Variants in KCNQ1 observed in about 807,000 individuals in gnomAD.
KCNQ1 encodes potassium voltage-gated channel subfamily KQT member 1.
KCNQ1 carries 49 observed loss-of-function variants against 72.4 expected under a neutral mutation model. The ratio of observed to expected loss-of-function variants is 0.68; its 90% CI spans 0.54 to 0.86. The LOEUF (loss-of-function observed/expected upper bound fraction) is 0.86. Among genes scored for constraint, KCNQ1 ranks in the 40% least tolerant of loss-of-function variants. KCNQ1 has a pLI of 0.00. For missense variants in KCNQ1, 790 were observed against 945.1 expected (o/e 0.84, Z 2.15); for synonymous variants, 450 against 412.6 (o/e 1.09, Z -1.10).
At chr11:2,699,800 G>A (rs995089627) in intron 11 of KCNQ1, 8 of 396,090 alleles carry the variant, frequency 2.0e-5, no homozygotes, top group Non-Finnish European at 3.6e-5. Context: ...CGAGGGGCGC[G>A]CCGGGGAGAA....
intron 2 of KCNQ1, among the ~76,000 whole-genome samples, chr11:2,528,645 G>A (rs1394622860): frequency 6.6e-6 from 1 of 152,276 alleles, no homozygotes; most frequent in Admixed American, 6.5e-5. Context: ...CCACCTGAAT[G>A]TGGGCCGTGA....
At chr11:2,696,749 A>T (rs1850683108) in intron 11 of KCNQ1, 2 of 398,274 alleles carry the variant, frequency 5.0e-6, no homozygotes, top group South Asian at 2.5e-4. Context: ...GAGTTTTAAA[A>T]TTTTTTCCAT....
At chr11:2,684,522 G>GT (rs1161470111) in intron 11 of KCNQ1, 10 of 398,658 alleles carry the variant, frequency 2.5e-5, no homozygotes, top group African/African-American at 2.1e-4. Context: ...ACTGTTAGGT[G>GT]TTGGAAAAGC....
chr11:2,458,909 CTTAG>C lies in KCNQ1; in HGVS notation c.386+13430_386+13433del. On this transcript the variant is annotated intron_variant, in intron 1 of 15. Transcript: ENST00000155840. This position sits in a 1 kb window ranked among gnomAD's most constrained non-coding sequence, Gnocchi z 4.6. ...CTATCCACCAATTGTGACATATGGC[CTTAG>C]TTAGGTCCTCAATAAATGATGACAA... 1.3e-5 allele frequency among the ~76,000 whole-genome samples: 2 copies of C among 152,250 alleles called. No individual in the cohort carries two copies. Among genetic ancestry groups the C allele is most frequent in the East Asian group, 1.9e-4 (1 of 5,186 alleles).
At position 2,657,723 on chromosome 11, in the gene KCNQ1, T is replaced by C. The variant is rs1402492611; in HGVS notation, c.1394-4238T>C. The C allele has an allele frequency of 2.5e-6, 1 of 398,518 alleles. No individual in the cohort carries two copies. The highest frequency in any genetic ancestry group is 4.4e-6 in the Non-Finnish European group (1 of 226,070). 24.7% of individuals were successfully genotyped at this position (398,518 alleles called of 1,614,324 possible). Reference sequence around the variant, plus strand: ...ATCTAGGATCGATCATTACATTTATTGTCATCTCTGATCGGTGACGGGCTT... The same window carrying C: ...ATCTAGGATCGATCATTACATTTATCGTCATCTCTGATCGGTGACGGGCTT... On this transcript the variant is annotated intron_variant, in intron 10 of 15. Coordinates refer to ENST00000155840, the MANE Select transcript of KCNQ1 (RefSeq NM_000218.3). This position sits in a 1 kb window ranked among gnomAD's most constrained non-coding sequence, Gnocchi z 4.8.
intron 1 of KCNQ1, among the ~76,000 whole-genome samples, chr11:2,525,648 C>T (rs1215026928): frequency 6.6e-6 from 1 of 152,180 alleles, no homozygotes; most frequent in African/African-American, 2.4e-5. Context: ...GTCAGGGGGA[C>T]TGAGGCCCAA....
chr11:2,498,842 C>T lies in KCNQ1; in HGVS notation c.387-29086C>T, dbSNP rs530434914. ...GCACATGAAGGAGTCTCCTGATCTG[C>T]AGATTGCAAAACCCATGGGAAAAGC... On this transcript the variant is annotated intron_variant, in intron 1 of 15. Coordinates refer to ENST00000155840, the MANE Select transcript of KCNQ1 (RefSeq NM_000218.3). This position sits in a 1 kb window ranked among gnomAD's most constrained non-coding sequence, Gnocchi z 4.8. 6.6e-6 allele frequency among the ~76,000 whole-genome samples: 1 copy of T among 152,242 alleles called. No individual in the cohort carries two copies. The highest frequency in any genetic ancestry group is 6.5e-5 in the Admixed American group (1 of 15,284).
chr11:2,571,208 G>T, intron 3 of KCNQ1, 117 bp from the exon 4 acceptor site: 1 of 842,330 alleles, frequency 1.2e-6, no homozygotes, highest in Admixed American at 1.8e-5. Context: ...CCGGTCATCA[G>T]GGCGTGACCC....
chr11:2,581,718 C>T (rs904034409), intron 6 of KCNQ1, among the ~76,000 whole-genome samples: 3 of 152,244 alleles, frequency 2.0e-5, no homozygotes, highest in South Asian at 2.1e-4. Context: ...CGTGTGTTTC[C>T]GTGTGTGTGT....
chr11:2,841,194 A>G (rs998087678), intron 15 of KCNQ1, among the ~76,000 whole-genome samples: 2 of 152,356 alleles, frequency 1.3e-5, no homozygotes, highest in Admixed American at 1.3e-4. Flanking sequence ...CAGCGGGTGC[A>G]AAGGCCCCAG....
At chr11:2,662,381 C>T in intron 11 of KCNQ1, 1 of 520,798 alleles carries the variant, frequency 1.9e-6, no homozygotes, top group South Asian at 3.3e-5. Context: ...TCCCCCAGCC[C>T]CCTCCCCTGC....
At position 2,785,502 on chromosome 11, in the gene KCNQ1, T is replaced by C. The variant is rs1237452921; in HGVS notation, c.1794+7465T>C. Reference sequence around the variant, plus strand: ...ACTGGTGTGGTTTTCTTTTCTGACTTTGATGTCAGATTTTTAAATCCTTTT... The same window carrying C: ...ACTGGTGTGGTTTTCTTTTCTGACTCTGATGTCAGATTTTTAAATCCTTTT... On this transcript the variant is annotated intron_variant, in intron 15 of 15. Coordinates refer to ENST00000155840, the MANE Select transcript of KCNQ1 (RefSeq NM_000218.3). The surrounding 1 kb of genome is among the most constrained non-coding windows in gnomAD (Gnocchi z 4.4). Among the ~76,000 whole-genome samples the C allele has an allele frequency of 6.6e-6, 1 of 151,942 alleles. No individual in the cohort carries two copies. The highest frequency in any genetic ancestry group is 1.9e-4 in the East Asian group (1 of 5,204).
chr11:2,648,769 T>C (rs1245084354), intron 10 of KCNQ1: 2 of 398,406 alleles, frequency 5.0e-6, no homozygotes, highest in Non-Finnish European at 4.4e-6. Flanking sequence ...TTGATATTTT[T>C]CCATCCAAAT....
In KCNQ1 at chr11:2,692,035, A is replaced by AC. The variant is rs1320528157; in HGVS notation, c.1514+29960dup. On this transcript the variant is annotated intron_variant, in intron 11 of 15. Coordinates refer to ENST00000155840, the MANE Select transcript of KCNQ1 (RefSeq NM_000218.3). ...CTTCCAGACCACCTGTGAGGCCCTGACCCCCCAAATGTCTCTCCAACCCAG... is the reference window on the plus strand; with the variant it reads ...CTTCCAGACCACCTGTGAGGCCCTGACCCCCCCAAATGTCTCTCCAACCCAG... 4 of 396,882 alleles carry AC rather than the reference A, an allele frequency of 1.0e-5. No homozygotes were observed. In the East Asian group the frequency reaches 1.4e-4, roughly 14 times the overall value. 24.6% of individuals were successfully genotyped at this position (396,882 alleles called of 1,614,324 possible). A position where few individuals can be genotyped will look rare whatever the true frequency, so the allele number is the denominator to read the frequency against.
chr11:2,492,509 C>T lies in KCNQ1; in HGVS notation c.387-35419C>T, dbSNP rs1428057026. Among the ~76,000 whole-genome samples the T allele has an allele frequency of 1.3e-5, 2 of 152,166 alleles. No homozygotes were observed. Among genetic ancestry groups the T allele is most frequent in the African/African-American group, 4.8e-5 (2 of 41,424 alleles). On this transcript the variant is annotated intron_variant, in intron 1 of 15. Transcript: ENST00000155840. This position sits in a 1 kb window ranked among gnomAD's most constrained non-coding sequence, Gnocchi z 4.1. ...TATTTGTCCTAATGCTCTCCCTCCC[C>T]TTGGCCCCCATCTCCCCACAGATCC...
chr11:2,552,773 C>T (rs1848002775), intron 2 of KCNQ1, among the ~76,000 whole-genome samples: 1 of 151,568 alleles, frequency 6.6e-6, no homozygotes, highest in Non-Finnish European at 1.5e-5. Flanking sequence ...CTCCCCAGTG[C>T]CTCATGCACG....
In KCNQ1 at chr11:2,664,826, G is replaced by A; in HGVS notation, c.1514+2745G>A. The stretch of plus-strand genomic sequence containing the variant: ...TTCCATTTTTCTTCAGCATTCTACT[G>A]ATGTTAAATGTATTACCATGCTGGG... On this transcript the variant is annotated intron_variant, in intron 11 of 15. Coordinates refer to ENST00000155840, the MANE Select transcript of KCNQ1 (RefSeq NM_000218.3). The surrounding 1 kb of genome is among the most constrained non-coding windows in gnomAD (Gnocchi z 5.1). The A allele has an allele frequency of 5.0e-6, 2 of 398,684 alleles. No individual in the cohort carries two copies. Among genetic ancestry groups the A allele is most frequent in the Non-Finnish European group, 8.8e-6 (2 of 226,100 alleles). 24.7% of individuals were successfully genotyped at this position (398,684 alleles called of 1,614,324 possible).
At chr11:2,812,578 C>T (rs1847512103) in intron 15 of KCNQ1, among the ~76,000 whole-genome samples, 1 of 152,234 alleles carries the variant, frequency 6.6e-6, no homozygotes, top group African/African-American at 2.4e-5. Flanking sequence ...AGGGCCAGCC[C>T]CGTCCCCAGG....
Position 2,565,192 on chromosome 11 carries a change from C to T in KCNQ1, c.478-5436C>T, listed in dbSNP as rs899307776. On this transcript the variant is annotated intron_variant, in intron 2 of 15. Transcript: ENST00000155840. The surrounding 1 kb of genome is among the most constrained non-coding windows in gnomAD (Gnocchi z 5.6). ...GTTTTAGGTTCACAGCAAAATCGAG[C>T]GGCTGGTCATTTCACGCTTTAAAGG... is the stretch of plus-strand genomic sequence containing the variant. Among the ~76,000 whole-genome samples the T allele has an allele frequency of 1.6e-4, 24 of 152,152 alleles. No individual in the cohort carries two copies. The highest frequency in any genetic ancestry group is 1.2e-4 in the Non-Finnish European group (8 of 68,030).
Sources: allele counts gnomAD v4.1 joint callset (sites outside exome capture counted in the v4.1 genomes callset), GRCh38; gene constraint gnomAD v4.1.1; non-coding constraint Gnocchi (gnomAD v3.1); transcripts MANE v1.5; gene names NCBI Gene and HGNC (gene_info 2026-07-23, HGNC 2026-07-21).